The following ARID5B variants were observed in gnomAD, a reference collection of about 807,000 sequenced individuals.
ARID5B encodes the protein AT-rich interactive domain-containing protein 5B.
ARID5B carries 13 observed loss-of-function variants against 97.2 expected under a neutral mutation model. That is an observed-to-expected ratio of 0.13 (90% confidence interval 0.09 to 0.21). The LOEUF (loss-of-function observed/expected upper bound fraction) is 0.21. ARID5B is among the 10% of genes least tolerant of loss of function. ARID5B has a pLI of 1.00. For missense variants in ARID5B, 1,210 were observed against 1,465.3 expected, an observed-to-expected ratio of 0.83 and a Z score of 2.84; for synonymous variants, 556 against 570.3, an observed-to-expected ratio of 0.97 and a Z score of 0.36.
chr10:62,027,071 A>T lies in ARID5B; in HGVS notation c.734-23817A>T, dbSNP rs1399558712. Among the ~76,000 whole-genome samples, 11 of 152,204 alleles carry T rather than the reference A, an allele frequency of 7.2e-5. No homozygotes were observed. In the East Asian group the frequency reaches 1.4e-3, roughly 19 times the overall value. On this transcript the variant is annotated intron_variant, in intron 4 of 9. Coordinates refer to ENST00000279873, the MANE Select transcript of ARID5B (RefSeq NM_032199.3). ...CTGGGGTAAGAAGGCTCTTGACAGG[A>T]CGGGCAGCCAGGGTTAGTTTCACCA...
rs974293978 is a variant in ARID5B, at chr10:62,095,314, G to C, written c.*2284G>C. 1 of 233,446 alleles carries C rather than the reference G, an allele frequency of 4.3e-6. No individual in the cohort carries two copies. Among genetic ancestry groups the C allele is most frequent in the East Asian group, 6.0e-5 (1 of 16,570 alleles). 14.5% of individuals were successfully genotyped at this position (233,446 alleles called of 1,614,324 possible). A position where few individuals can be genotyped will look rare whatever the true frequency, so the allele number is the denominator to read the frequency against. On this transcript the variant is annotated 3_prime_UTR_variant, in exon 10 of 10. Transcript: ENST00000279873. ...GGACATGGAAGAAAAAGGAAACTTC[G>C]GTGGTTCTGCAGCAGACATGGGCTA...
intron 3 of ARID5B, among the ~76,000 whole-genome samples, chr10:61,942,751 C>T (rs931613188): frequency 1.3e-5 from 2 of 152,170 alleles, no homozygotes; most frequent in African/African-American, 4.8e-5. Flanking sequence ...GAAATCATCA[C>T]ACCTTTGCAC....
At chr10:61,950,060 T>G (rs1838300877) in intron 3 of ARID5B, among the ~76,000 whole-genome samples, 1 of 152,164 alleles carries the variant, frequency 6.6e-6, no homozygotes, top group African/African-American at 2.4e-5. Context: ...CAGGCAGGAG[T>G]GCAGTGGTGC....
chr10:62,035,307 A>T (rs1839548026), intron 4 of ARID5B, among the ~76,000 whole-genome samples: 1 of 152,204 alleles, frequency 6.6e-6, no homozygotes, highest in South Asian at 2.1e-4. Flanking sequence ...ACTGATTTCA[A>T]AACATGACAC....
chr10:61,908,803 A>AG (rs1391429261), intron 2 of ARID5B, among the ~76,000 whole-genome samples: 7 of 147,604 alleles, frequency 4.7e-5, no homozygotes, highest in Admixed American at 4.7e-4. Context: ...CCATCTCAAA[A>AG]AAAAAAAAAA....
intron 2 of ARID5B, among the ~76,000 whole-genome samples, chr10:61,936,976 A>T (rs189081461): frequency 2.0e-5 from 3 of 152,232 alleles, no homozygotes; most frequent in Non-Finnish European, 4.4e-5. Flanking sequence ...TGCAGAGTCC[A>T]AGATGCTGTC....
rs777591474 is a variant in ARID5B, at chr10:61,902,165, G to A, written c.28G>A (p.Gly10Ser). MEPNSLQWVGSPCGLHGPYI... is the reference protein window; with the variant it reads MEPNSLQWVSSPCGLHGPYI... Reference sequence around the variant, plus strand: ...TTTTTTTCCCCCCCTGCAGTGGGTCGGCTCACCGTGTGGCTTGCACGGACC... The same window carrying A: ...TTTTTTTCCCCCCCTGCAGTGGGTCAGCTCACCGTGTGGCTTGCACGGACC... The change falls in exon 2 of 10, where the codon GGC (glycine) becomes AGC (serine). Residue 10 changes from glycine (G) to serine (S), a missense_variant. Gly to Ser is a moderately conservative substitution (Grantham distance 56). Transcript: ENST00000279873. 1.2e-5 allele frequency: 20 copies of A among 1,612,142 alleles called. No homozygotes were observed. Among genetic ancestry groups the A allele is most frequent in the African/African-American group, 2.7e-5 (2 of 74,746 alleles).
chr10:62,002,641 G>A (rs1445898878), intron 4 of ARID5B, among the ~76,000 whole-genome samples: 1 of 152,168 alleles, frequency 6.6e-6, no homozygotes, highest in Admixed American at 6.5e-5. Context: ...GGTTGCATTT[G>A]AAATTGACAT....
rs1226148341 is a variant in ARID5B, at chr10:61,977,917, G to A, written c.503-22174G>A. ...TGTTGCCATTGCTTTTGGTGTTTTAGACATGAAGTCCTTGCCCATGCCTGT... is the reference window on the plus strand; with the variant it reads ...TGTTGCCATTGCTTTTGGTGTTTTAAACATGAAGTCCTTGCCCATGCCTGT... On this transcript the variant is annotated intron_variant, in intron 3 of 9. Coordinates refer to ENST00000279873, the MANE Select transcript of ARID5B (RefSeq NM_032199.3). Among the ~76,000 whole-genome samples the A allele has an allele frequency of 2.0e-5, 3 of 152,182 alleles. No individual in the cohort carries two copies. The East Asian group carries it at 5.8e-4, about 29-fold the overall frequency.
intron 4 of ARID5B, among the ~76,000 whole-genome samples, chr10:62,012,837 G>A (rs1839234964): frequency 6.6e-6 from 1 of 152,066 alleles, no homozygotes; most frequent in Non-Finnish European, 1.5e-5. Context: ...TTTAATGATT[G>A]CCTAATATTA....
At chr10:62,029,447 A>G (rs746580329) in intron 4 of ARID5B, among the ~76,000 whole-genome samples, 4 of 152,244 alleles carry the variant, frequency 2.6e-5, no homozygotes, top group Non-Finnish European at 4.4e-5. Flanking sequence ...GATTGGAATT[A>G]ACCAAAATGA....
chr10:62,042,529 A>G (rs532317397), intron 4 of ARID5B, among the ~76,000 whole-genome samples: 1 of 152,292 alleles, frequency 6.6e-6, no homozygotes, highest in Admixed American at 6.5e-5. Context: ...TGCGTGCAGT[A>G]TCAGCTCCTA....
intron 3 of ARID5B, among the ~76,000 whole-genome samples, chr10:61,950,435 G>A (rs1319964291): frequency 1.3e-5 from 2 of 152,222 alleles, no homozygotes; most frequent in African/African-American, 2.4e-5. Flanking sequence ...CCGGAAGGCC[G>A]AGGTGGGAGG....
intron 3 of ARID5B, among the ~76,000 whole-genome samples, chr10:61,982,683 T>G (rs551447974): frequency 1.1e-4 from 17 of 152,304 alleles, no homozygotes; most frequent in Admixed American, 3.3e-4. Context: ...CACTAACTTG[T>G]GCATGAGAAT....
In ARID5B at chr10:61,905,445, GT is replaced by G. The variant is rs71022103; in HGVS notation, c.276+3045del. 4.2e-3 allele frequency among the ~76,000 whole-genome samples: 609 copies of G among 143,474 alleles called. 2 individuals are homozygous for G. Among genetic ancestry groups the G allele is most frequent in the South Asian group, 0.015 (66 of 4,528 alleles). 94.1% of individuals were successfully genotyped at this position (143,474 alleles called of 152,430 possible). On this transcript the variant is annotated intron_variant, in intron 2 of 9. Coordinates refer to ENST00000279873, the MANE Select transcript of ARID5B (RefSeq NM_032199.3). ...TGTGGTTTGCTGTGATTTGCAGAGG[GT>G]TTTTTTTTTTTTGGAATATTTTCTC...
chr10:61,970,056 G>A (rs1008705236), intron 3 of ARID5B, among the ~76,000 whole-genome samples: 7 of 152,150 alleles, frequency 4.6e-5, no homozygotes, highest in Non-Finnish European at 1.0e-4. Context: ...GATATGATCA[G>A]GTCTCCAAGA....
intron 2 of ARID5B, among the ~76,000 whole-genome samples, chr10:61,936,130 T>C (rs923289110): frequency 7.9e-5 from 12 of 152,210 alleles, no homozygotes; most frequent in African/African-American, 2.9e-4. Context: ...TTCCAAATTT[T>C]ATTTTCATAG....
intron 3 of ARID5B, among the ~76,000 whole-genome samples, chr10:61,976,362 T>G (rs1328756683): frequency 6.6e-6 from 1 of 152,236 alleles, no homozygotes; most frequent in African/African-American, 2.4e-5. Flanking sequence ...TATTGGATAA[T>G]CCAGCTCCAG....
intron 3 of ARID5B, among the ~76,000 whole-genome samples, chr10:61,991,381 A>AG (rs1447501195): frequency 5.3e-5 from 8 of 152,158 alleles, no homozygotes; most frequent in Non-Finnish European, 1.0e-4. Flanking sequence ...TCATTTTTAT[A>AG]ATAGTCATCC....
Sources: gnomAD v4.1 joint callset for allele counts (sites outside exome capture counted in the v4.1 genomes callset) on GRCh38, gnomAD v4.1.1 for gene constraint, MANE v1.5 for transcripts, NCBI Gene and HGNC (gene_info 2026-07-23, HGNC 2026-07-21) for gene names.